Variants in F11 observed in about 807,000 individuals in gnomAD.
The protein encoded by F11 is coagualtion factor XI.
In F11, 78 loss-of-function variants were observed where a neutral mutation model predicts 76.5. That is an observed-to-expected ratio of 1.02 (90% CI 0.85 to 1.23). The LOEUF (loss-of-function observed/expected upper bound fraction) is 1.23. F11 is among the 50% of genes most tolerant of loss of function. The pLI is 0.00. For synonymous variants in F11, 278 were observed against 276.3 expected (o/e 1.01, Z -0.06); for missense variants, 742 against 771.4 (o/e 0.96, Z 0.45).
intron 11 of F11, among the ~76,000 whole-genome samples, chr4:186,284,570 G>T (rs1240536835): frequency 6.6e-6 from 1 of 152,050 alleles, no homozygotes; most frequent in African/African-American, 2.4e-5. Context: ...TGTGCACTGT[G>T]CCCGGAACTA....
chr4:186,266,492 G>C (rs772438901), intron 1 of F11, among the ~76,000 whole-genome samples, 197 bp downstream of exon 1: 1 of 152,204 alleles, frequency 6.6e-6, no homozygotes, highest in East Asian at 1.9e-4. Context: ...CAACAGAAGA[G>C]TAACAGTGTC....
intron 2 of F11, among the ~76,000 whole-genome samples, chr4:186,268,768 A>G (rs1739696374): frequency 6.6e-6 from 1 of 152,240 alleles, no homozygotes; most frequent in African/African-American, 2.4e-5. Flanking sequence ...AGTACAGTAT[A>G]TCAAAACTTT....
chr4:186,284,623 ATG>A (rs34783500), intron 11 of F11, among the ~76,000 whole-genome samples: 17 of 150,314 alleles, frequency 1.1e-4, no homozygotes, highest in Middle Eastern at 3.4e-3. Context: ...AATTTCTAAT[ATG>A]TGTGTGTGTG....
At chr4:186,269,970 G>C (rs4253828) in intron 2 of F11, among the ~76,000 whole-genome samples, 2 of 152,072 alleles carry the variant, frequency 1.3e-5, no homozygotes, top group African/African-American at 4.8e-5. Context: ...AATATTGAAA[G>C]CTTTCCCAAG....
At chr4:186,287,599 T>C in intron 13 of F11, 85 bp from the exon 14 acceptor site, 1 of 506,142 alleles carries the variant, frequency 2.0e-6, no homozygotes, top group Non-Finnish European at 3.0e-6. Context: ...AAAATATATA[T>C]ATATATATAT....
At chr4:186,279,375 T>C (rs1189942188) in intron 7 of F11, among the ~76,000 whole-genome samples, 1 of 150,024 alleles carries the variant, frequency 6.7e-6, no homozygotes, top group Non-Finnish European at 1.5e-5. Flanking sequence ...AGAGAAAGAC[T>C]ATGTCTCAAA....
chr4:186,267,353 T>C (rs960169944), intron 2 of F11, among the ~76,000 whole-genome samples, 162 bp downstream of exon 2: 1 of 152,208 alleles, frequency 6.6e-6, no homozygotes. Flanking sequence ...AGGGTAGGAA[T>C]TGAGGTGAAA....
intron 12 of F11, chr4:186,286,119 G>C (rs1386629384): frequency 1.9e-6 from 1 of 517,834 alleles, no homozygotes; most frequent in African/African-American, 1.9e-5. Context: ...ATTTATTAAA[G>C]ATAATTTAGG....
chr4:186,282,574 T>G (rs1740884062), intron 10 of F11: 1 of 985,308 alleles, frequency 1.0e-6, no homozygotes, highest in Admixed American at 6.1e-5. Context: ...TCGTTTAAAC[T>G]GAGAAACAGC....
At chr4:186,288,224 T>G (rs1352587766) in intron 14 of F11, among the ~76,000 whole-genome samples, 1 of 152,138 alleles carries the variant, frequency 6.6e-6, no homozygotes, top group Non-Finnish European at 1.5e-5. Flanking sequence ...TTAATGCATT[T>G]TAAAAAGCAG....
At chr4:186,282,748 G>T (rs886392935) in intron 10 of F11, 3 of 985,196 alleles carry the variant, frequency 3.0e-6, no homozygotes, top group Middle Eastern at 5.2e-4. Context: ...CACCCTTCCG[G>T]CTCTAAAATG....
intron 3 of F11, among the ~76,000 whole-genome samples, chr4:186,272,103 T>G (rs896349268): frequency 1.3e-5 from 2 of 152,046 alleles, no homozygotes; most frequent in Non-Finnish European, 2.9e-5. Context: ...CTCAACAAAC[T>G]GGAACTTCTC....
At chr4:186,281,730 T>C (rs929303329) in intron 10 of F11, among the ~76,000 whole-genome samples, 18 of 152,196 alleles carry the variant, frequency 1.2e-4, no homozygotes, top group Non-Finnish European at 2.4e-4. Flanking sequence ...CACTATAAGG[T>C]GCAACTGAGA....
chr4:186,274,274 C>T lies in F11; in HGVS notation c.484C>T (p.Arg162Cys), dbSNP rs748139184. 19 of 1,614,048 alleles carry T rather than the reference C, an allele frequency of 1.2e-5. No individual in the cohort carries two copies. The Admixed American group carries it at 1.5e-4, about 13-fold the overall frequency. The change falls in exon 5 of 15, where the codon CGT becomes TGT. Residue 162 changes from arginine to cysteine, a missense_variant and splice_region_variant. Coordinates refer to ENST00000403665, the MANE Select transcript of F11 (RefSeq NM_000128.4). ...ATRQFPSLEH[R>C]NICLLKHTQT... Reference sequence around the variant, plus strand: ...AAGGCAGTTTCCCAGCCTGGAGCATCGGTGAGTGAGTCCCAGGACATTCGA... The same window carrying T: ...AAGGCAGTTTCCCAGCCTGGAGCATTGGTGAGTGAGTCCCAGGACATTCGA...
intron 10 of F11, among the ~76,000 whole-genome samples, chr4:186,283,613 C>A (rs4253856): frequency 6.6e-6 from 1 of 152,210 alleles, no homozygotes; most frequent in Non-Finnish European, 1.5e-5. Flanking sequence ...CTGCAGCCTG[C>A]GGGCAAGGTG....
At chr4:186,282,011 A>G (rs1424291741) in intron 10 of F11, 8 of 1,249,568 alleles carry the variant, frequency 6.4e-6, no homozygotes, top group Admixed American at 2.3e-5. Flanking sequence ...GTCGTATCTC[A>G]TACATTCTGT....
At chr4:186,271,483 G>C in intron 2 of F11, 126 bp from the exon 3 acceptor site, 1 of 1,072,294 alleles carries the variant, frequency 9.3e-7, no homozygotes, top group South Asian at 1.3e-5. Flanking sequence ...TTATTGCCTT[G>C]ATTTCCAAAT....
chr4:186,288,815 G>A lies in F11; in HGVS notation c.*201G>A. 8.2e-6 allele frequency: 5 copies of A among 606,470 alleles called. No individual in the cohort carries two copies. The highest frequency in any genetic ancestry group is 1.5e-5 in the Non-Finnish European group (5 of 343,226). 37.6% of individuals were successfully genotyped at this position (606,470 alleles called of 1,614,324 possible). ...GTTCTATGATCGTTGTAGTTTGTTT[G>A]AGCATTCAGTCTCTTTGTTTTTGAT... On this transcript the variant is annotated 3_prime_UTR_variant, in exon 15 of 15. Transcript: ENST00000403665.
Position 186,283,879 on chromosome 4 carries a change from A to G in F11, c.1136-213A>G, listed in dbSNP as rs4253423. Reference sequence around the variant, plus strand: ...TGTAGTACCACACAAGGAGGGCTACATTCTTAGGGGTGTGTAATTACAAGA... The same window carrying G: ...TGTAGTACCACACAAGGAGGGCTACGTTCTTAGGGGTGTGTAATTACAAGA... On this transcript the variant is annotated intron_variant, in intron 10 of 14. Coordinates refer to ENST00000403665, the MANE Select transcript of F11 (RefSeq NM_000128.4). The G allele has an allele frequency of 0.17, 33,071 of 195,538 alleles. 2,894 individuals carry two copies. The highest frequency in any genetic ancestry group is 0.18 in the Admixed American group (2,785 of 15,358). The allele number at this position is 195,538 out of a possible 1,614,324, so 12.1% of individuals were successfully genotyped here.
Sources: gnomAD v4.1 joint callset for allele counts (sites outside exome capture counted in the v4.1 genomes callset) on GRCh38, gnomAD v4.1.1 for gene constraint, MANE v1.5 for transcripts, NCBI Gene and HGNC (gene_info 2026-07-23, HGNC 2026-07-21) for gene names.